The following HAS2 variants were observed in gnomAD, a reference collection of about 807,000 sequenced individuals.
HAS2 encodes HA synthase 2.
Under a neutral mutation model 51.6 loss-of-function variants are expected in HAS2, and 16 were observed. The observed-to-expected ratio is 0.31, with a 90% CI of 0.21 to 0.47. The LOEUF (loss-of-function observed/expected upper bound fraction) is 0.47. Ranked by LOEUF, HAS2 falls within the 20% of genes least tolerant of loss-of-function variation. The pLI is 1.00. For missense variants in HAS2, 361 were observed against 662.6 expected (o/e 0.54, Z 5.00); for synonymous variants, 228 against 235.5 (o/e 0.97, Z 0.29).
At chr8:121,620,467 A>G (rs909067060) in intron 2 of HAS2, among the ~76,000 whole-genome samples, 3 of 152,226 alleles carry the variant, frequency 2.0e-5, no homozygotes, top group African/African-American at 4.8e-5. Context: ...GCATTTGCAC[A>G]CAGGAAAGAG....
At position 121,629,084 on chromosome 8, in the gene HAS2, G is replaced by A; in HGVS notation, c.257C>T (p.Ala86Val). 2 of 1,614,086 alleles carry A rather than the reference G, an allele frequency of 1.2e-6. No individual in the cohort carries two copies. Among genetic ancestry groups the A allele is most frequent in the Non-Finnish European group, 1.7e-6 (2 of 1,179,976 alleles). Residue 86 changes from alanine (A) to valine (V), a missense_variant, in exon 2 of 4, where the codon GCC becomes GTC. Around this residue, in one of 5 missense-constraint regions of HAS2, gnomAD observed 145 missense variants for 217.6 expected, o/e 0.67. Coordinates refer to ENST00000303924, the MANE Select transcript of HAS2 (RefSeq NM_005328.3). ...TTCTTGATAGGCAGCGATGCAAAGG[G>A]CAACTGTTTTGTTCAACTTTATGGG... ...ETPIKLNKTV[A>V]LCIAAYQEDP...
At chr8:121,633,912 GTT>G (rs540276424) in intron 1 of HAS2, among the ~76,000 whole-genome samples, 1 of 135,206 alleles carries the variant, frequency 7.4e-6, no homozygotes. Context: ...GTTTTTTTGG[GTT>G]TTTTTTTTTT....
At chr8:121,625,803 C>T (rs1389543054) in intron 2 of HAS2, among the ~76,000 whole-genome samples, 1 of 150,542 alleles carries the variant, frequency 6.6e-6, no homozygotes, top group Non-Finnish European at 1.5e-5. Context: ...TTACAGGCGT[C>T]AGCCACCACA....
chr8:121,627,420 TA>T (rs957234525), intron 2 of HAS2, among the ~76,000 whole-genome samples: 3 of 152,148 alleles, frequency 2.0e-5, no homozygotes, highest in African/African-American at 7.2e-5. Flanking sequence ...GAGATTAACA[TA>T]ATGAAGAAAT....
intron 2 of HAS2, among the ~76,000 whole-genome samples, chr8:121,617,473 C>T (rs969486991): frequency 1.3e-5 from 2 of 152,098 alleles, no homozygotes; most frequent in Non-Finnish European, 2.9e-5. Context: ...GCGTGATCAA[C>T]TTGTCCCAGT....
chr8:121,640,590 C>T (rs947309177), intron 1 of HAS2, among the ~76,000 whole-genome samples: 20 of 152,102 alleles, frequency 1.3e-4, no homozygotes, highest in African/African-American at 4.6e-4. Context: ...GCAGCCTTTC[C>T]CAGGCAGAGA....
In HAS2 at chr8:121,613,134, G is replaced by T. The variant is rs1372644545; in HGVS notation, c.*975C>A. ...GAATCTCCAAAGATTATTCATCTTTGATACCCATGTTTTGTCCAGTGCTGG... is the reference window on the plus strand; with the variant it reads ...GAATCTCCAAAGATTATTCATCTTTTATACCCATGTTTTGTCCAGTGCTGG... On this transcript the variant is annotated 3_prime_UTR_variant, in exon 4 of 4. Coordinates refer to ENST00000303924, the MANE Select transcript of HAS2 (RefSeq NM_005328.3). 6.6e-6 allele frequency: 1 copy of T among 152,050 alleles called. No homozygotes were observed. The highest frequency in any genetic ancestry group is 2.4e-5 in the African/African-American group (1 of 41,420). 9.4% of individuals were successfully genotyped at this position (152,050 alleles called of 1,614,324 possible). A position where few individuals can be genotyped will look rare whatever the true frequency, so the allele number is the denominator to read the frequency against.
At chr8:121,636,741 A>G (rs1317837965) in intron 1 of HAS2, among the ~76,000 whole-genome samples, 4 of 152,192 alleles carry the variant, frequency 2.6e-5, no homozygotes, top group Non-Finnish European at 5.9e-5. Context: ...ATGTACCTAC[A>G]TTGGCTCCTG....
intron 2 of HAS2, 105 bp downstream of exon 2, chr8:121,628,609 C>T: frequency 1.0e-6 from 1 of 982,028 alleles, no homozygotes; most frequent in Non-Finnish European, 1.5e-6. Context: ...GAAAGAAGTA[C>T]TGTGTTCAGA....
At chr8:121,632,016 A>C (rs971854224) in intron 1 of HAS2, among the ~76,000 whole-genome samples, 4 of 152,340 alleles carry the variant, frequency 2.6e-5, no homozygotes, top group Middle Eastern at 6.8e-3. Flanking sequence ...CTCTTACATC[A>C]TAAGACTCTA....
chr8:121,622,770 G>A (rs1182177540), intron 2 of HAS2, among the ~76,000 whole-genome samples: 2 of 151,406 alleles, frequency 1.3e-5, no homozygotes, highest in Non-Finnish European at 2.9e-5. Context: ...TATCAAGATT[G>A]TATAACTTTA....
At chr8:121,627,870 C>T (rs1378081023) in intron 2 of HAS2, among the ~76,000 whole-genome samples, 2 of 151,968 alleles carry the variant, frequency 1.3e-5, no homozygotes, top group African/African-American at 2.4e-5. Context: ...AGACATTTTT[C>T]CCCTCTCAAT....
chr8:121,628,901 A>T lies in HAS2; in HGVS notation c.440T>A (p.Ile147Asn), dbSNP rs1341637307. The T allele has an allele frequency of 1.9e-6, 3 of 1,613,888 alleles. No homozygotes were observed. Among genetic ancestry groups the T allele is most frequent in the Non-Finnish European group, 2.5e-6 (3 of 1,179,916 alleles). Residue 147 changes from isoleucine (I) to asparagine (N), a missense_variant, in exon 2 of 4, where the codon ATC becomes AAC. This residue lies in a region of HAS2 where 145 missense variants were observed against 217.6 expected (regional missense o/e 0.67). Transcript: ENST00000303924. The part of the protein sequence containing the change: ...VMGRDKSATY[I>N]WKNNFHEKGP... ...CTTTTCGTGGAAGTTGTTCTTCCAGATATAAGTGGCTGATTTGTCTCTGCC... is the reference window on the plus strand; with the variant it reads ...CTTTTCGTGGAAGTTGTTCTTCCAGTTATAAGTGGCTGATTTGTCTCTGCC...
chr8:121,630,217 A>C (rs1812912278), intron 1 of HAS2, among the ~76,000 whole-genome samples: 1 of 152,316 alleles, frequency 6.6e-6, no homozygotes, highest in Non-Finnish European at 1.5e-5. Context: ...TAGTGAATAC[A>C]TTAAAGGACA....
intron 1 of HAS2, among the ~76,000 whole-genome samples, chr8:121,638,344 T>C (rs1055912250): frequency 4.1e-4 from 62 of 152,236 alleles, no homozygotes; most frequent in African/African-American, 1.4e-3. Flanking sequence ...TTATGGAAAG[T>C]GACCTTAGAG....
chr8:121,617,417 A>G (rs1812718406), intron 2 of HAS2, among the ~76,000 whole-genome samples: 1 of 152,136 alleles, frequency 6.6e-6, no homozygotes, highest in Admixed American at 6.5e-5. Flanking sequence ...AGTTAATGAC[A>G]TTGCTGGGTA....
intron 1 of HAS2, among the ~76,000 whole-genome samples, chr8:121,632,373 A>G (rs1586509100): frequency 6.6e-6 from 1 of 152,198 alleles, no homozygotes; most frequent in East Asian, 1.9e-4. Context: ...GTATAGTTAA[A>G]TTGGAAAATA....
At chr8:121,635,606 T>C (rs528281675) in intron 1 of HAS2, among the ~76,000 whole-genome samples, 1 of 152,352 alleles carries the variant, frequency 6.6e-6, no homozygotes, top group Admixed American at 6.5e-5. Flanking sequence ...TCATGTGTCC[T>C]TGGACAATTC....
chr8:121,634,311 AT>A (rs1473008071), intron 1 of HAS2, among the ~76,000 whole-genome samples: 3 of 152,052 alleles, frequency 2.0e-5, no homozygotes, highest in African/African-American at 7.2e-5. Context: ...ATGAATTCAA[AT>A]TTATTGAGTC....
Sources: gnomAD v4.1 joint callset for allele counts (sites outside exome capture counted in the v4.1 genomes callset) on GRCh38, gnomAD v4.1.1 for gene constraint, gnomAD v4.1.1 regional missense constraint, MANE v1.5 for transcripts, NCBI Gene and HGNC (gene_info 2026-07-23, HGNC 2026-07-21) for gene names.